Variants in GPR158 observed in about 807,000 individuals in gnomAD.
The protein encoded by GPR158 is G protein-coupled receptor 158.
In GPR158, 30 loss-of-function variants were observed where a neutral mutation model predicts 78.2. The ratio of observed to expected loss-of-function variants is 0.38; its 90% CI spans 0.29 to 0.52. The LOEUF (loss-of-function observed/expected upper bound fraction) is 0.52, where lower values mean the gene tolerates loss of function less well. Among genes scored for constraint, GPR158 ranks in the 20% least tolerant of loss-of-function variants. The pLI, the probability that GPR158 is intolerant of heterozygous loss-of-function variation, is 0.83. For synonymous variants in GPR158, 581 were observed against 591.1 expected (o/e 0.98, Z 0.25); for missense variants, 1,463 against 1,523.5 (o/e 0.96, Z 0.66).
At chr10:25,459,471 T>TTG (rs1294492448) in intron 4 of GPR158, among the ~76,000 whole-genome samples, 1 of 152,162 alleles carries the variant, frequency 6.6e-6, no homozygotes, top group East Asian at 1.9e-4. Flanking sequence ...GGTCTAAATG[T>TTG]TGTAAGTCTG....
chr10:25,596,136 G>T (rs1029202068), intron 9 of GPR158, among the ~76,000 whole-genome samples: 3 of 152,036 alleles, frequency 2.0e-5, no homozygotes, highest in Admixed American at 1.3e-4. Flanking sequence ...TATGACAAAT[G>T]ACATTATTTC....
chr10:25,569,831 T>C (rs1374134380), intron 6 of GPR158, among the ~76,000 whole-genome samples: 2 of 152,218 alleles, frequency 1.3e-5, no homozygotes, highest in Non-Finnish European at 2.9e-5. Flanking sequence ...ATTTGCAAAC[T>C]TACTTCTAGT....
rs34285790 is a variant in GPR158 at position 25,574,146 on chromosome 10, CAAAAAAAAAAA to C, written c.1753+1275_1753+1285del. ...CACTAGTTTTTATTTTTCTGTTTTA[CAAAAAAAAAAA>C]AAAAAAAAAAAAAAACCTCAAAATA... On this transcript the variant is annotated intron_variant, in intron 7 of 10. Coordinates refer to ENST00000376351, the MANE Select transcript of GPR158 (RefSeq NM_020752.3). Among the ~76,000 whole-genome samples, 53 of 62,308 alleles carry C rather than the reference CAAAAAAAAAAA, an allele frequency of 8.5e-4. No individual in the cohort carries two copies. The South Asian group carries it at 0.013, about 15-fold the overall frequency. The allele number at this position is 62,308 out of a possible 152,430, so 40.9% of individuals were successfully genotyped here.
At chr10:25,326,801 G>C (rs1855040569) in intron 2 of GPR158, among the ~76,000 whole-genome samples, 1 of 152,134 alleles carries the variant, frequency 6.6e-6, no homozygotes, top group Non-Finnish European at 1.5e-5. Context: ...TAATTACCTT[G>C]ACTAATTTCA....
intron 7 of GPR158, among the ~76,000 whole-genome samples, chr10:25,581,583 G>A (rs919538203): frequency 7.3e-6 from 1 of 136,744 alleles, no homozygotes; most frequent in African/African-American, 2.6e-5. Context: ...CCTCAAAGAA[G>A]TAAAACAGTT....
Position 25,176,144 on chromosome 10 carries a change from G to A in GPR158, c.724G>A (p.Gly242Arg). 2 of 1,571,492 alleles carry A rather than the reference G, an allele frequency of 1.3e-6. No individual in the cohort carries two copies. The highest frequency in any genetic ancestry group is 1.7e-6 in the Non-Finnish European group (2 of 1,159,830). ...PHLHRRGPNQ[G>R]PRGLGHSWRR... ...CTTACACCGCCGCGGCCCCAATCAG[G>A]GGCCCCGGGGCCTGGGCCACAGCTG... Residue 242 changes from glycine (G) to arginine (R), a missense_variant, in exon 1 of 11, where the codon GGG (glycine) becomes AGG (arginine). Gly to Arg is a moderately radical substitution (Grantham distance 125, BLOSUM62 -2). Coordinates refer to ENST00000376351, the MANE Select transcript of GPR158 (RefSeq NM_020752.3). This position sits in a 1 kb window ranked among gnomAD's most constrained non-coding sequence, Gnocchi z 6.3.
At chr10:25,189,137 G>A (rs1203066229) in intron 1 of GPR158, among the ~76,000 whole-genome samples, 3 of 152,154 alleles carry the variant, frequency 2.0e-5, no homozygotes, top group African/African-American at 7.2e-5. Context: ...GGAAATAACA[G>A]GTGCTGGAGA....
chr10:25,232,498 T>C (rs955026748), intron 2 of GPR158, among the ~76,000 whole-genome samples: 1 of 152,186 alleles, frequency 6.6e-6, no homozygotes, highest in Non-Finnish European at 1.5e-5. Flanking sequence ...ACTGACTGTA[T>C]TATACAAGAA....
intron 2 of GPR158, among the ~76,000 whole-genome samples, chr10:25,346,922 AT>A (rs955731490): frequency 6.6e-6 from 1 of 151,806 alleles, no homozygotes; most frequent in African/African-American, 2.4e-5. Context: ...ACCTGGCTTG[AT>A]TTTTTTTAAC....
chr10:25,390,564 A>G (rs1760732), intron 2 of GPR158, among the ~76,000 whole-genome samples: 123,584 of 151,886 alleles, frequency 0.81, 51,308 homozygotes, highest in Non-Finnish European at 0.87. Flanking sequence ...GTATCTAGCC[A>G]AAGAAATTTC....
At chr10:25,584,494 T>C (rs1837242710) in intron 7 of GPR158, among the ~76,000 whole-genome samples, 1 of 152,246 alleles carries the variant, frequency 6.6e-6, no homozygotes, top group African/African-American at 2.4e-5. Context: ...TTTTTAAATA[T>C]AATTCTCCAT....
intron 5 of GPR158, among the ~76,000 whole-genome samples, chr10:25,507,508 C>A (rs971693060): frequency 2.0e-5 from 3 of 152,124 alleles, no homozygotes; most frequent in Non-Finnish European, 2.9e-5. Flanking sequence ...TTGTACAATT[C>A]GAGAAATCTA....
intron 2 of GPR158, among the ~76,000 whole-genome samples, chr10:25,241,389 CTCTTCTCTTCTCTTCTCTTCTCTTT>C (rs1420364207): frequency 7.4e-6 from 1 of 134,836 alleles, no homozygotes; most frequent in Non-Finnish European, 1.5e-5. Context: ...CTCTTCTCTT[CTCTTCTCTTCTCTTCTCTTCTCTTT>C]TCTTTTCTTT....
At chr10:25,518,505 C>T (rs1168180821) in intron 5 of GPR158, among the ~76,000 whole-genome samples, 1 of 92,432 alleles carries the variant, frequency 1.1e-5, no homozygotes, top group Non-Finnish European at 2.1e-5. Flanking sequence ...CTCTTGTGGG[C>T]ATTTAGTGCT....
intron 2 of GPR158, among the ~76,000 whole-genome samples, chr10:25,249,461 C>T (rs1207920966): frequency 6.6e-6 from 1 of 151,846 alleles, no homozygotes; most frequent in Non-Finnish European, 1.5e-5. Context: ...TCATAGATAG[C>T]TCTTATTATT....
intron 2 of GPR158, among the ~76,000 whole-genome samples, chr10:25,308,744 C>T (rs1854720498): frequency 6.6e-6 from 1 of 152,240 alleles, no homozygotes; most frequent in Non-Finnish European, 1.5e-5. Context: ...CTAAAACCAC[C>T]ATTCTACTTT....
chr10:25,328,373 TAA>T (rs1349220851), intron 2 of GPR158, among the ~76,000 whole-genome samples: 1 of 152,106 alleles, frequency 6.6e-6, no homozygotes, highest in East Asian at 1.9e-4. Flanking sequence ...AGGAAATTGT[TAA>T]GTGTCAATAA....
At chr10:25,509,576 C>T (rs1375230485) in intron 5 of GPR158, among the ~76,000 whole-genome samples, 1 of 152,194 alleles carries the variant, frequency 6.6e-6, no homozygotes, top group Non-Finnish European at 1.5e-5. Flanking sequence ...ATAGCTACAG[C>T]TGTAACTGAA....
At chr10:25,317,548 C>T (rs1854872284) in intron 2 of GPR158, among the ~76,000 whole-genome samples, 2 of 151,346 alleles carry the variant, frequency 1.3e-5, no homozygotes, top group South Asian at 2.1e-4. Context: ...TAGTTTTCTT[C>T]TTAGTTTTGG....
Sources: allele counts gnomAD v4.1 joint callset (sites outside exome capture counted in the v4.1 genomes callset), GRCh38; gene constraint gnomAD v4.1.1; non-coding constraint Gnocchi (gnomAD v3.1); transcripts MANE v1.5; gene names NCBI Gene and HGNC (gene_info 2026-07-23, HGNC 2026-07-21).